The following WWOX variants were observed in gnomAD, a reference collection of about 807,000 sequenced individuals.
The protein encoded by WWOX is WW domain-containing oxidoreductase.
A neutral mutation model predicts 46.2 loss-of-function variants in WWOX; 69 were observed. The ratio of observed to expected loss-of-function variants is 1.49; its 90% CI spans 1.23 to 1.82. The LOEUF (loss-of-function observed/expected upper bound fraction) is 1.82, where lower values mean the gene tolerates loss of function less well. Among genes scored for constraint, WWOX ranks in the 40% most tolerant of loss-of-function variants. The pLI, the probability that WWOX is intolerant of heterozygous loss-of-function variation, is 0.00. For missense variants in WWOX, 919 were observed against 542.6 expected (o/e 1.69, Z -6.89); for synonymous variants, 359 against 202.6 (o/e 1.77, Z -6.56).
chr16:78,632,939 C>T (rs1309692846), intron 8 of WWOX, among the ~76,000 whole-genome samples: 2 of 151,872 alleles, frequency 1.3e-5, no homozygotes, highest in Non-Finnish European at 2.9e-5. Flanking sequence ...GAGAGGGATC[C>T]AACATTTATT....
At chr16:78,493,325 G>T (rs1567604666) in intron 8 of WWOX, among the ~76,000 whole-genome samples, 1 of 152,176 alleles carries the variant, frequency 6.6e-6, no homozygotes, top group Admixed American at 6.5e-5. Context: ...GGGTCCAGAA[G>T]CTTCCCTGGA....
At chr16:78,476,897 TTC>T (rs1370435953) in intron 8 of WWOX, among the ~76,000 whole-genome samples, 1 of 152,118 alleles carries the variant, frequency 6.6e-6, no homozygotes, top group Non-Finnish European at 1.5e-5. Flanking sequence ...TTCCTCCCTC[TTC>T]TCTCCCCTCT....
intron 4 of WWOX, among the ~76,000 whole-genome samples, chr16:78,156,410 T>C (rs1346043493): frequency 2.0e-5 from 3 of 152,224 alleles, no homozygotes; most frequent in Non-Finnish European, 4.4e-5. Flanking sequence ...AGGATTTTAA[T>C]ATTTATTCAT....
intron 8 of WWOX, among the ~76,000 whole-genome samples, chr16:78,934,402 G>A (rs2045691941): frequency 5.4e-5 from 8 of 148,172 alleles, no homozygotes. Flanking sequence ...CTAGCTACTT[G>A]GAAGGCTAAA....
intron 8 of WWOX, among the ~76,000 whole-genome samples, chr16:78,618,361 C>G (rs963920889): frequency 6.6e-6 from 1 of 152,124 alleles, no homozygotes; most frequent in Admixed American, 6.5e-5. Context: ...GGTTGGGAGT[C>G]CTAGATCAAG....
intron 8 of WWOX, among the ~76,000 whole-genome samples, chr16:79,172,462 C>T (rs2050718387): frequency 6.6e-6 from 1 of 152,134 alleles, no homozygotes; most frequent in African/African-American, 2.4e-5. Context: ...TATCTTGGTA[C>T]CTGTAGTCCC....
chr16:78,738,438 G>C (rs954294267), intron 8 of WWOX, among the ~76,000 whole-genome samples: 2 of 152,170 alleles, frequency 1.3e-5, no homozygotes, highest in Admixed American at 1.3e-4. Context: ...CTGGATTCAG[G>C]TGGCCAATGA....
At chr16:78,671,414 G>C (rs190931940) in intron 8 of WWOX, among the ~76,000 whole-genome samples, 2 of 152,172 alleles carry the variant, frequency 1.3e-5, no homozygotes, top group Admixed American at 6.5e-5. Flanking sequence ...GATAGCATGA[G>C]ACTGTGTCTC....
chr16:79,163,564 C>T (rs1400937390), intron 8 of WWOX, among the ~76,000 whole-genome samples: 2 of 151,938 alleles, frequency 1.3e-5, no homozygotes, highest in Non-Finnish European at 2.9e-5. Context: ...TTTGGGAGGC[C>T]GAAGGGGGTG....
intron 8 of WWOX, among the ~76,000 whole-genome samples, chr16:78,544,350 T>A (rs112804362): frequency 7.9e-5 from 12 of 152,342 alleles, no homozygotes; most frequent in African/African-American, 2.9e-4. Flanking sequence ...AGAGCACTCT[T>A]CTGAACATTT....
intron 8 of WWOX, among the ~76,000 whole-genome samples, chr16:78,636,989 A>T (rs1218839034): frequency 6.6e-6 from 1 of 152,164 alleles, no homozygotes; most frequent in African/African-American, 2.4e-5. Flanking sequence ...TTCCCAACAG[A>T]GGCAAGTGCG....
intron 8 of WWOX, chr16:78,550,943 G>C (rs947682853): frequency 6.6e-6 from 1 of 152,132 alleles, no homozygotes; most frequent in Admixed American, 6.5e-5. Flanking sequence ...CCACTGTAAG[G>C]AATGCATGAC....
chr16:78,507,833 G>C (rs16947847), intron 8 of WWOX, among the ~76,000 whole-genome samples: 1,618 of 152,264 alleles, frequency 0.011, 32 homozygotes, highest in African/African-American at 0.037. Context: ...ATTCGCACCT[G>C]TTCAGACAAG....
chr16:78,859,000 TTAAAAA>T (rs1343315917), intron 8 of WWOX, among the ~76,000 whole-genome samples: 1,363 of 79,000 alleles, frequency 0.017, 40 homozygotes, highest in Non-Finnish European at 0.024. Context: ...GTTTTGAAAT[TTAAAAA>T]AAAAAAAAAA....
chr16:79,158,684 A>G (rs914083073), intron 8 of WWOX, among the ~76,000 whole-genome samples: 5 of 152,048 alleles, frequency 3.3e-5, no homozygotes, highest in African/African-American at 1.2e-4. Context: ...TGCACACCTG[A>G]TTGCTTTTTG....
intron 8 of WWOX, among the ~76,000 whole-genome samples, chr16:78,973,503 G>C (rs1172060616): frequency 6.6e-6 from 1 of 152,140 alleles, no homozygotes; most frequent in Non-Finnish European, 1.5e-5. Context: ...CTAACAACAT[G>C]TCTGATGAAT....
chr16:78,213,422 AG>A lies in WWOX; in HGVS notation c.516+49135del, dbSNP rs572783847. 1.2e-4 allele frequency among the ~76,000 whole-genome samples: 18 copies of A among 151,944 alleles called. No homozygotes were observed. The South Asian group carries it at 3.6e-3, about 30-fold the overall frequency. On this transcript the variant is annotated intron_variant, in intron 5 of 8. Coordinates refer to ENST00000566780, the MANE Select transcript of WWOX (RefSeq NM_016373.4). ...TCCCCACAATCCATTGGTGAAAGCA[AG>A]GCAATGGTCATGCCCCAATTCGAAA...
At chr16:78,488,676 G>T (rs1221381777) in intron 8 of WWOX, among the ~76,000 whole-genome samples, 1 of 152,090 alleles carries the variant, frequency 6.6e-6, no homozygotes, top group African/African-American at 2.4e-5. Flanking sequence ...TGTAGGGGAG[G>T]GGAGGTAGGC....
chr16:78,862,682 A>G (rs1203608446), intron 8 of WWOX, among the ~76,000 whole-genome samples: 1 of 152,124 alleles, frequency 6.6e-6, no homozygotes, highest in Non-Finnish European at 1.5e-5. Flanking sequence ...TCTGAGTCCA[A>G]GGGCAGGAGA....
Sources: allele counts gnomAD v4.1 joint callset (sites outside exome capture counted in the v4.1 genomes callset), GRCh38; gene constraint gnomAD v4.1.1; transcripts MANE v1.5; gene names NCBI Gene and HGNC (gene_info 2026-07-23, HGNC 2026-07-21).